LRP1B: variants seen among roughly 807,000 people sequenced by gnomAD.
LRP1B encodes the protein low-density lipoprotein receptor-related protein 1B.
LRP1B carries 217 observed loss-of-function variants against 556.6 expected under a neutral mutation model. The observed-to-expected ratio is 0.39, with a 90% CI of 0.35 to 0.44. The LOEUF (loss-of-function observed/expected upper bound fraction) is 0.44. Ranked by LOEUF, LRP1B falls within the 20% of genes least tolerant of loss-of-function variation. LRP1B has a pLI of 1.00. For synonymous variants in LRP1B, 2,047 were observed against 1,865.8 expected (o/e 1.10, Z -2.50); for missense variants, 5,053 against 5,620.8 (o/e 0.90, Z 3.23).
intron 86 of LRP1B, among the ~76,000 whole-genome samples, chr2:140,251,045 T>G (rs2104906441): frequency 6.6e-6 from 1 of 151,934 alleles, no homozygotes; most frequent in African/African-American, 2.4e-5. Flanking sequence ...CATGGTGAGT[T>G]AATTTATCGT....
intron 4 of LRP1B, among the ~76,000 whole-genome samples, chr2:141,247,869 T>C (rs1287946571): frequency 6.6e-6 from 1 of 152,198 alleles, no homozygotes; most frequent in Non-Finnish European, 1.5e-5. Context: ...TTAATATCTG[T>C]AGTCCTCTAC....
chr2:141,385,550 A>C (rs1401218526), intron 3 of LRP1B, among the ~76,000 whole-genome samples: 1 of 152,220 alleles, frequency 6.6e-6, no homozygotes, highest in African/African-American at 2.4e-5. Flanking sequence ...AGCAGCATGC[A>C]TTCATGACAG....
Position 140,293,676 on chromosome 2 carries a change from G to T in LRP1B, c.12967+4132C>A, listed in dbSNP as rs78328978. Among the ~76,000 whole-genome samples the T allele has an allele frequency of 2.5e-3, 381 of 152,088 alleles. 2 individuals are homozygous for T. The highest frequency in any genetic ancestry group is 8.7e-3 in the African/African-American group (360 of 41,476). Reference sequence around the variant, plus strand: ...AACACCAGGTCCACTGAACCTTGTCGGCTTACATCTAATAGATTCTAAATT... The same window carrying T: ...AACACCAGGTCCACTGAACCTTGTCTGCTTACATCTAATAGATTCTAAATT... On this transcript the variant is annotated intron_variant, in intron 84 of 90. Transcript: ENST00000389484.
At chr2:141,193,875 G>A (rs2105207940) in intron 6 of LRP1B, among the ~76,000 whole-genome samples, 1 of 152,008 alleles carries the variant, frequency 6.6e-6, no homozygotes, top group East Asian at 1.9e-4. Flanking sequence ...CATTCTCCTG[G>A]GGAATATACC....
At chr2:140,531,073 C>T (rs1188165090) in intron 47 of LRP1B, among the ~76,000 whole-genome samples, 1 of 152,096 alleles carries the variant, frequency 6.6e-6, no homozygotes, top group Non-Finnish European at 1.5e-5. Flanking sequence ...ATTTCATAAA[C>T]CCAAACACAC....
intron 82 of LRP1B, among the ~76,000 whole-genome samples, chr2:140,316,288 G>C (rs889618823): frequency 6.6e-6 from 1 of 152,042 alleles, no homozygotes; most frequent in African/African-American, 2.4e-5. Flanking sequence ...AACAATTTAT[G>C]ATCCTTTTTC....
chr2:141,806,012 G>T (rs1574381055), intron 2 of LRP1B, among the ~76,000 whole-genome samples: 1 of 152,012 alleles, frequency 6.6e-6, no homozygotes, highest in East Asian at 1.9e-4. Flanking sequence ...AGGAAGTAGG[G>T]AAGAAGTTTG....
intron 2 of LRP1B, among the ~76,000 whole-genome samples, chr2:141,648,957 A>G (rs1689683804): frequency 6.6e-6 from 1 of 152,214 alleles, no homozygotes; most frequent in South Asian, 2.1e-4. Flanking sequence ...TCATAATTTT[A>G]ATAGTTATTT....
intron 1 of LRP1B, among the ~76,000 whole-genome samples, chr2:142,112,203 C>G (rs1446509964): frequency 6.6e-6 from 1 of 151,848 alleles, no homozygotes; most frequent in Non-Finnish European, 1.5e-5. Flanking sequence ...GATCTAATAT[C>G]TAGTTTACAG....
chr2:141,215,206 G>A (rs1049284003), intron 6 of LRP1B, among the ~76,000 whole-genome samples: 5 of 152,004 alleles, frequency 3.3e-5, no homozygotes, highest in Non-Finnish European at 7.4e-5. Flanking sequence ...TTTACCATGT[G>A]AGACACCTGC....
At chr2:140,903,234 A>T (rs2105223982) in intron 22 of LRP1B, 69 bp from the exon 23 acceptor site, 4 of 1,529,776 alleles carry the variant, frequency 2.6e-6, no homozygotes, top group Non-Finnish European at 3.5e-6. Flanking sequence ...TAATCATTGA[A>T]CTCAATTCTC....
chr2:140,387,112 T>G (rs1334231273), intron 66 of LRP1B, among the ~76,000 whole-genome samples: 1 of 152,168 alleles, frequency 6.6e-6, no homozygotes, highest in Non-Finnish European at 1.5e-5. Flanking sequence ...TTAGAACACA[T>G]TTCCCTTTCG....
intron 6 of LRP1B, among the ~76,000 whole-genome samples, chr2:141,190,361 C>T (rs113110305): frequency 1.6e-3 from 240 of 152,030 alleles, no homozygotes; most frequent in African/African-American, 5.4e-3. Flanking sequence ...AGGGTAGAAG[C>T]AAAGTTCTTT....
At chr2:142,055,344 G>GTA in intron 1 of LRP1B, among the ~76,000 whole-genome samples, 1 of 152,080 alleles carries the variant, frequency 6.6e-6, no homozygotes, top group Non-Finnish European at 1.5e-5. Flanking sequence ...GGATAACAGG[G>GTA]TAATCTAATG....
intron 2 of LRP1B, among the ~76,000 whole-genome samples, chr2:141,719,552 T>C (rs1692741047): frequency 6.6e-6 from 1 of 152,128 alleles, no homozygotes; most frequent in Non-Finnish European, 1.5e-5. Flanking sequence ...AATAAATCTC[T>C]AATGGTGTAG....
chr2:141,899,936 ACTCAAATGT>A (rs1699565993), intron 1 of LRP1B, among the ~76,000 whole-genome samples: 1 of 151,940 alleles, frequency 6.6e-6, no homozygotes, highest in Non-Finnish European at 1.5e-5. Context: ...CTGACTGTGC[ACTCAAATGT>A]CTTACTGAGC....
intron 2 of LRP1B, among the ~76,000 whole-genome samples, chr2:141,658,101 T>A (rs920515137): frequency 6.6e-6 from 1 of 152,292 alleles, no homozygotes; most frequent in African/African-American, 2.4e-5. Context: ...TTATCTCATT[T>A]CATAGGGAAG....
intron 3 of LRP1B, among the ~76,000 whole-genome samples, chr2:141,348,519 CAAAT>C (rs1688334505): frequency 6.6e-6 from 1 of 151,302 alleles, no homozygotes; most frequent in South Asian, 2.1e-4. Flanking sequence ...GTTTAATGGC[CAAAT>C]AATTAGATGG....
chr2:141,654,615 A>C (rs1689933918), intron 2 of LRP1B, among the ~76,000 whole-genome samples: 1 of 152,052 alleles, frequency 6.6e-6, no homozygotes, highest in South Asian at 2.1e-4. Context: ...TTAGTAGAGA[A>C]GAACCTCCAT....
Sources: allele counts gnomAD v4.1 joint callset (sites outside exome capture counted in the v4.1 genomes callset), GRCh38; gene constraint gnomAD v4.1.1; transcripts MANE v1.5; gene names NCBI Gene and HGNC (gene_info 2026-07-23, HGNC 2026-07-21).